Variants in CHURC1 observed in about 807,000 individuals in gnomAD.
CHURC1 encodes protein Churchill.
In CHURC1, 12 loss-of-function variants were observed where a neutral mutation model predicts 15.4. The ratio of observed to expected loss-of-function variants is 0.78; its 90% CI spans 0.50 to 1.27. The LOEUF (loss-of-function observed/expected upper bound fraction) is 1.27. CHURC1 is among the 50% of genes most tolerant of loss of function. The pLI, the probability that CHURC1 is intolerant of heterozygous loss-of-function variation, is 0.00. For missense variants in CHURC1, 132 were observed against 137.8 expected (o/e 0.96, Z 0.21); for synonymous variants, 42 against 47.5 (o/e 0.88, Z 0.48).
intron 1 of CHURC1, among the ~76,000 whole-genome samples, chr14:64,918,533 TAAG>T (rs1427636169): frequency 2.0e-5 from 3 of 152,084 alleles, no homozygotes; most frequent in Non-Finnish European, 4.4e-5. Flanking sequence ...GGAAGGGTAA[TAAG>T]AAGATGGTGG....
chr14:64,924,552 C>G (rs1338752190), intron 2 of CHURC1: 4 of 152,260 alleles, frequency 2.6e-5, no homozygotes, highest in African/African-American at 9.7e-5. Flanking sequence ...TGTCCCTATA[C>G]TAAATGACTT....
intron 3 of CHURC1, among the ~76,000 whole-genome samples, chr14:64,929,203 C>A (rs1884931731): frequency 6.6e-6 from 1 of 152,164 alleles, no homozygotes; most frequent in Non-Finnish European, 1.5e-5. Context: ...TTCCCTTTTA[C>A]TCCGTAAGCG....
chr14:64,921,832 G>A (rs564207339), intron 1 of CHURC1, among the ~76,000 whole-genome samples: 1 of 152,276 alleles, frequency 6.6e-6, no homozygotes, highest in East Asian at 1.9e-4. Context: ...TCCAAGACTT[G>A]CACATGAATC....
intron 3 of CHURC1, among the ~76,000 whole-genome samples, chr14:64,926,797 A>G (rs1429008798): frequency 6.6e-6 from 1 of 152,230 alleles, no homozygotes; most frequent in African/African-American, 2.4e-5. Context: ...GAGATTTATC[A>G]TAAGGATTAA....
At chr14:64,915,101 T>G (rs1883775011) in intron 1 of CHURC1, among the ~76,000 whole-genome samples, 1 of 152,246 alleles carries the variant, frequency 6.6e-6, no homozygotes, top group East Asian at 1.9e-4. Flanking sequence ...TTCTCATTCA[T>G]TCAAGGCATC....
intron 1 of CHURC1, among the ~76,000 whole-genome samples, chr14:64,915,380 C>T (rs1277612098): frequency 6.6e-6 from 1 of 152,066 alleles, no homozygotes; most frequent in Non-Finnish European, 1.5e-5. Flanking sequence ...ATGTGACTAA[C>T]AAAAAATGAG....
rs1885201903 is a variant in CHURC1 at position 64,933,760 on chromosome 14, A to G, written c.*1530A>G. 1.0e-6 allele frequency: 1 copy of G among 985,460 alleles called. No homozygotes were observed. Among genetic ancestry groups the G allele is most frequent in the Non-Finnish European group, 1.2e-6 (1 of 829,926 alleles). The allele number at this position is 985,460 out of a possible 1,614,324, so 61.0% of individuals were successfully genotyped here. On this transcript the variant is annotated 3_prime_UTR_variant, in exon 4 of 4. Transcript: ENST00000549115. Reference sequence around the variant, plus strand: ...TTTGGAAATTCTGAACTAAGGTCTTATAAGAACAAGAAATGAGCAAAGTGT... The same window carrying G: ...TTTGGAAATTCTGAACTAAGGTCTTGTAAGAACAAGAAATGAGCAAAGTGT...
At chr14:64,924,244 T>G in intron 2 of CHURC1, 118 bp downstream of exon 2, 1 of 1,207,170 alleles carries the variant, frequency 8.3e-7, no homozygotes, top group Non-Finnish European at 1.1e-6. Flanking sequence ...ACATAATTAC[T>G]AGTTAGGTCT....
intron 2 of CHURC1, 83 bp downstream of exon 2, chr14:64,924,209 G>A: frequency 2.8e-6 from 4 of 1,439,432 alleles, no homozygotes; most frequent in Non-Finnish European, 3.7e-6. Context: ...AATATTCTGA[G>A]GCCTATTTCA....
chr14:64,923,224 G>T (rs1884442027), intron 1 of CHURC1, among the ~76,000 whole-genome samples: 1 of 143,530 alleles, frequency 7.0e-6, no homozygotes, highest in Non-Finnish European at 1.5e-5. Flanking sequence ...TTTGAGCCCA[G>T]GAGTTTGAGA....
At position 64,926,247 on chromosome 14, in the gene CHURC1, A is replaced by G. The variant is rs973697692; in HGVS notation, c.246+167A>G. On this transcript the variant is annotated intron_variant, in intron 3 of 3. Transcript: ENST00000549115. ...TTTTTTTTTGAGATGGTGTCTTGCT[A>G]TGTTGCCCAGGCTGGTATTGAACTC... 6.1e-5 allele frequency among the ~76,000 whole-genome samples: 7 copies of G among 114,486 alleles called. No homozygotes were observed. In the East Asian group the frequency reaches 7.2e-4, roughly 12 times the overall value. 75.1% of individuals were successfully genotyped at this position (114,486 alleles called of 152,430 possible). A position where few individuals can be genotyped will look rare whatever the true frequency, so the allele number is the denominator to read the frequency against.
rs906897284 is a variant in CHURC1, at chr14:64,921,952, A to G, written c.40-2039A>G. On this transcript the variant is annotated intron_variant, in intron 1 of 3. Coordinates refer to ENST00000549115, the MANE Select transcript of CHURC1 (RefSeq NM_001386928.1). ...TGGCAATGAAAAGCAACAAACTACC[A>G]GTACCTAGAACAACAGTGATGATGA... Among the ~76,000 whole-genome samples the G allele has an allele frequency of 5.9e-5, 9 of 152,338 alleles. No individual in the cohort carries two copies. The East Asian group carries it at 1.7e-3, about 29-fold the overall frequency.
Position 64,915,635 on chromosome 14 carries a change from T to G in CHURC1, c.39+1101T>G, listed in dbSNP as rs1286776581. Among the ~76,000 whole-genome samples, 3 of 152,228 alleles carry G rather than the reference T, an allele frequency of 2.0e-5. No individual in the cohort carries two copies. The East Asian group carries it at 5.8e-4, about 29-fold the overall frequency. On this transcript the variant is annotated intron_variant, in intron 1 of 3. Transcript: ENST00000549115. ...TGTCTTAGTATCTTATGGGTAATAC[T>G]TAGGCTTTTGAGTAGCATGTATAAC...
intron 1 of CHURC1, 80 bp from the exon 2 acceptor site, chr14:64,923,911 A>C (rs929530061): frequency 6.0e-6 from 8 of 1,326,546 alleles, no homozygotes; most frequent in Non-Finnish European, 7.8e-6. Flanking sequence ...TTTTGCCTTT[A>C]GACATTTTAA....
At chr14:64,925,444 G>C (rs547957496) in intron 2 of CHURC1, among the ~76,000 whole-genome samples, 178 of 152,186 alleles carry the variant, frequency 1.2e-3, no homozygotes, top group Middle Eastern at 3.4e-3. Flanking sequence ...AGGCCCAGGA[G>C]GGTGGATCAC....
chr14:64,915,245 G>A (rs1290453686), intron 1 of CHURC1, among the ~76,000 whole-genome samples: 3 of 152,188 alleles, frequency 2.0e-5, no homozygotes, highest in African/African-American at 4.8e-5. Flanking sequence ...TGATCCTCCC[G>A]CCTTGGCCTC....
Position 64,919,590 on chromosome 14 carries a change from A to G in CHURC1, c.40-4401A>G, listed in dbSNP as rs74885993. On this transcript the variant is annotated intron_variant, in intron 1 of 3. Coordinates refer to ENST00000549115, the MANE Select transcript of CHURC1 (RefSeq NM_001386928.1). ...ATTACCTAACCTTCCACTTAAGACA[A>G]TGGAAAAATGGGCCAGGTATGGTGG... Among the ~76,000 whole-genome samples the G allele has an allele frequency of 6.1e-3, 930 of 152,282 alleles. 7 individuals are homozygous for G. Among genetic ancestry groups the G allele is most frequent in the African/African-American group, 0.022 (897 of 41,560 alleles).
chr14:64,925,538 T>G (rs564938319), intron 2 of CHURC1, among the ~76,000 whole-genome samples: 1 of 151,832 alleles, frequency 6.6e-6, no homozygotes, highest in Admixed American at 6.6e-5. Context: ...GCTGAGTGTG[T>G]TGGCACATGT....
intron 3 of CHURC1, among the ~76,000 whole-genome samples, chr14:64,929,387 T>G (rs980979780): frequency 4.6e-5 from 7 of 152,152 alleles, no homozygotes; most frequent in Admixed American, 2.0e-4. Context: ...TGAACTTTTC[T>G]TGTACCTATG....
Sources: gnomAD v4.1 joint callset for allele counts (sites outside exome capture counted in the v4.1 genomes callset) on GRCh38, gnomAD v4.1.1 for gene constraint, MANE v1.5 for transcripts, NCBI Gene and HGNC (gene_info 2026-07-23, HGNC 2026-07-21) for gene names.